FNBP1: variants seen among roughly 807,000 people sequenced by gnomAD.
The protein encoded by FNBP1 is formin binding protein 1.
A neutral mutation model predicts 90.6 loss-of-function variants in FNBP1; 26 were observed. The ratio of observed to expected loss-of-function variants is 0.29; its 90% CI spans 0.21 to 0.40. The LOEUF is 0.40. Among genes scored for constraint, FNBP1 ranks in the 10% least tolerant of loss-of-function variants. The pLI is 1.00. For missense variants in FNBP1, 635 were observed against 768.0 expected (o/e 0.83, Z 2.05); for synonymous variants, 260 against 265.2 (o/e 0.98, Z 0.19).
At chr9:129,998,011 C>T (rs1244089116) in intron 1 of FNBP1, among the ~76,000 whole-genome samples, 1 of 147,662 alleles carries the variant, frequency 6.8e-6, no homozygotes, top group Non-Finnish European at 1.5e-5. Context: ...ACACAGTCAT[C>T]TTTACTAAAC....
At chr9:129,925,228 C>A in intron 8 of FNBP1, 71 bp from the exon 9 acceptor site, 1 of 1,274,926 alleles carries the variant, frequency 7.8e-7, no homozygotes, top group Non-Finnish European at 1.1e-6. Context: ...ATGAATTGGC[C>A]AGGTGCGGTG....
intron 4 of FNBP1, among the ~76,000 whole-genome samples, chr9:129,977,928 C>T (rs2050592606): frequency 6.6e-6 from 1 of 151,956 alleles, no homozygotes; most frequent in Non-Finnish European, 1.5e-5. Context: ...GAATATGGGT[C>T]CACAGATGAG....
At chr9:130,052,653 CG>C in the FNBP1 span, among the ~76,000 whole-genome samples, 1 of 151,744 alleles carries the variant, frequency 6.6e-6, no homozygotes, top group South Asian at 2.1e-4. Context: ...AGGCTGGTCC[CG>C]AACAACTGAC....
intron 2 of FNBP1, among the ~76,000 whole-genome samples, chr9:129,991,275 A>C (rs2053113420): frequency 7.5e-6 from 1 of 132,778 alleles, no homozygotes; most frequent in South Asian, 2.4e-4. Flanking sequence ...GGAAATGCAG[A>C]TTTTTTTTTT....
intron 6 of FNBP1, among the ~76,000 whole-genome samples, chr9:129,944,026 T>C (rs958937174): frequency 7.5e-5 from 11 of 145,980 alleles, no homozygotes; most frequent in Admixed American, 6.2e-4. Flanking sequence ...ATCGTTCTGA[T>C]GATCTTCACA....
At chr9:129,899,741 G>A (rs72757235) in intron 15 of FNBP1, among the ~76,000 whole-genome samples, 5,383 of 142,002 alleles carry the variant, frequency 0.038, 144 homozygotes, top group Middle Eastern at 0.097. Flanking sequence ...AAAAAGGAAG[G>A]AAGGAAGGAA....
chr9:129,971,603 C>G (rs941531957), intron 4 of FNBP1, among the ~76,000 whole-genome samples: 5 of 152,090 alleles, frequency 3.3e-5, no homozygotes, highest in Admixed American at 6.6e-5. Flanking sequence ...GTCGGCCAGG[C>G]TGGTCTCAAA....
intron 9 of FNBP1, 104 bp from the exon 10 acceptor site, chr9:129,924,130 CACAA>C (rs1041805720): frequency 5.1e-6 from 6 of 1,184,262 alleles, no homozygotes; most frequent in East Asian, 3.0e-5. Context: ...GCAAGTAAAA[CACAA>C]ACAATTAAAT....
intron 1 of FNBP1, among the ~76,000 whole-genome samples, chr9:130,017,194 A>G (rs909042249): frequency 6.6e-6 from 1 of 152,218 alleles, no homozygotes; most frequent in African/African-American, 2.4e-5. Context: ...TCAGCTGCAA[A>G]AAAAAGCTAA....
intron 6 of FNBP1, among the ~76,000 whole-genome samples, chr9:129,951,410 T>C (rs1318203977): frequency 6.7e-6 from 1 of 148,932 alleles, no homozygotes; most frequent in African/African-American, 2.5e-5. Context: ...TACCTTCTTA[T>C]ATAATTTCTA....
intron 11 of FNBP1, among the ~76,000 whole-genome samples, chr9:129,910,976 T>C (rs1402671760): frequency 6.6e-6 from 1 of 152,146 alleles, no homozygotes; most frequent in East Asian, 1.9e-4. Context: ...TAACCTTTAA[T>C]ATAAAAATAA....
intron 1 of FNBP1, among the ~76,000 whole-genome samples, chr9:130,037,383 A>C (rs890122930): frequency 6.6e-6 from 1 of 152,168 alleles, no homozygotes; most frequent in African/African-American, 2.4e-5. Context: ...AGAGCAGTAG[A>C]AGAGCTAGGG....
At chr9:129,917,006 C>T (rs539468185) in intron 10 of FNBP1, among the ~76,000 whole-genome samples, 2 of 151,260 alleles carry the variant, frequency 1.3e-5, no homozygotes, top group Non-Finnish European at 3.0e-5. Context: ...GAGAATTATC[C>T]ACTGTGACTG....
At position 129,978,529 on chromosome 9, in the gene FNBP1, A is replaced by G; in HGVS notation, c.281T>C (p.Met94Thr). The part of the protein sequence containing the change: ...AGQHEVISEN[M>T]ASQIIVDLAR... ...CAAGTCCACAATGATCTGTGATGCCATGTTCTCGGAGATAACTTCATGCTG... is the reference window on the plus strand; with the variant it reads ...CAAGTCCACAATGATCTGTGATGCCGTGTTCTCGGAGATAACTTCATGCTG... Residue 94 changes from methionine to threonine, a missense_variant, in exon 4 of 17, where the codon ATG becomes ACG. Coordinates refer to ENST00000446176, the MANE Select transcript of FNBP1 (RefSeq NM_015033.3). 8 of 1,613,732 alleles carry G rather than the reference A, an allele frequency of 5.0e-6. No homozygotes were observed. The highest frequency in any genetic ancestry group is 6.8e-6 in the Non-Finnish European group (8 of 1,179,724).
the FNBP1 span, among the ~76,000 whole-genome samples, chr9:130,051,368 A>T: frequency 1.3e-5 from 2 of 152,214 alleles, no homozygotes; most frequent in Non-Finnish European, 2.9e-5. Flanking sequence ...AACAAATGGC[A>T]ATTATACTTT....
Position 129,895,956 on chromosome 9 carries a change from T to A in FNBP1, c.1728A>T (p.Thr576=), listed in dbSNP as rs752473540. 1 of 1,611,488 alleles carries A rather than the reference T, an allele frequency of 6.2e-7. No homozygotes were observed. Among genetic ancestry groups the A allele is most frequent in the Non-Finnish European group, 8.5e-7 (1 of 1,179,216 alleles). The part of the protein sequence containing the change: ...EGTISVVEGE[T]LYVIEEDKGD... The stretch of plus-strand genomic sequence containing the variant: ...CTTTGTCTTCCTCTATGACATACAA[T>A]GTTTCTCCTTCAACTACGGAAATCG... Residue 576 remains threonine, a synonymous_variant, in exon 16 of 17, where the codon ACA becomes ACT. Transcript: ENST00000446176.
Position 129,890,491 on chromosome 9 carries a change from C to T in FNBP1, c.*48G>A, listed in dbSNP as rs201136852. 2.5e-5 allele frequency: 38 copies of T among 1,545,694 alleles called. No homozygotes were observed. The East Asian group carries it at 6.6e-4, about 27-fold the overall frequency. ...CTGGAGGCCTGTGGGAACAAGCAGA[C>T]GGAGGCTCCTCCAGGAAGGCTCACC... On this transcript the variant is annotated 3_prime_UTR_variant, in exon 17 of 17. Coordinates refer to ENST00000446176, the MANE Select transcript of FNBP1 (RefSeq NM_015033.3). The surrounding 1 kb of genome is among the most constrained non-coding windows in gnomAD (Gnocchi z 5.8).
intron 2 of FNBP1, 67 bp downstream of exon 2, chr9:129,994,776 A>G: frequency 1.4e-6 from 1 of 715,540 alleles, no homozygotes; most frequent in Non-Finnish European, 2.4e-6. Flanking sequence ...ATACTGTAAA[A>G]TGAGAATATA....
intron 4 of FNBP1, among the ~76,000 whole-genome samples, chr9:129,964,310 A>G (rs2048259831): frequency 1.3e-5 from 2 of 152,168 alleles, no homozygotes; most frequent in Non-Finnish European, 2.9e-5. Context: ...TGAAGTCATC[A>G]CAGCTCCTTT....
Sources: allele counts gnomAD v4.1 joint callset (sites outside exome capture counted in the v4.1 genomes callset), GRCh38; gene constraint gnomAD v4.1.1; non-coding constraint Gnocchi (gnomAD v3.1); transcripts MANE v1.5; gene names NCBI Gene and HGNC (gene_info 2026-07-23, HGNC 2026-07-21).